The following ROBO2 variants were observed in gnomAD, a reference collection of about 807,000 sequenced individuals.
The protein encoded by ROBO2 is roundabout homolog 2.
Under a neutral mutation model 160.8 loss-of-function variants are expected in ROBO2, and 53 were observed. The ratio of observed to expected loss-of-function variants is 0.33; its 90% CI spans 0.26 to 0.41. The LOEUF is 0.41. Among genes scored for constraint, ROBO2 ranks in the 10% least tolerant of loss-of-function variants. The pLI, the probability that ROBO2 is intolerant of heterozygous loss-of-function variation, is 1.00. For synonymous variants in ROBO2, 664 were observed against 611.7 expected (o/e 1.09, Z -1.26); for missense variants, 1,577 against 1,722.4 (o/e 0.92, Z 1.49).
intron 2 of ROBO2, among the ~76,000 whole-genome samples, chr3:76,118,053 T>C (rs1276314891): frequency 6.6e-6 from 1 of 151,800 alleles, no homozygotes; most frequent in Non-Finnish European, 1.5e-5. Flanking sequence ...AAATGACGAG[T>C]TAATGGGTGC....
chr3:76,730,440 C>T (rs1332916032), intron 2 of ROBO2, among the ~76,000 whole-genome samples: 1 of 9,490 alleles, frequency 1.1e-4, no homozygotes, highest in African/African-American at 9.0e-4. Flanking sequence ...TCACCTCCTA[C>T]TCCCTACCCG....
chr3:76,560,212 C>T (rs2084079055), intron 2 of ROBO2, among the ~76,000 whole-genome samples: 1 of 152,070 alleles, frequency 6.6e-6, no homozygotes, highest in Non-Finnish European at 1.5e-5. Context: ...TGCTGCAATG[C>T]ATGATCTAAA....
intron 2 of ROBO2, among the ~76,000 whole-genome samples, chr3:76,873,127 T>G (rs929893116): frequency 6.6e-6 from 1 of 152,160 alleles, no homozygotes; most frequent in Admixed American, 6.5e-5. Flanking sequence ...AAACCAAGAT[T>G]ACTTTTAGTG....
intron 2 of ROBO2, among the ~76,000 whole-genome samples, chr3:76,558,512 A>C (rs2083953515): frequency 6.6e-6 from 1 of 152,120 alleles, no homozygotes; most frequent in Non-Finnish European, 1.5e-5. Flanking sequence ...CTTTTAAAAC[A>C]GTTTCTCACA....
intron 19 of ROBO2, among the ~76,000 whole-genome samples, chr3:77,600,961 T>C (rs1172346312): frequency 6.6e-6 from 1 of 152,142 alleles, no homozygotes; most frequent in Non-Finnish European, 1.5e-5. Context: ...GATATTTACT[T>C]CAATATCTTA....
intron 2 of ROBO2, among the ~76,000 whole-genome samples, chr3:77,105,069 C>T (rs1160563995): frequency 6.6e-6 from 1 of 152,160 alleles, no homozygotes; most frequent in Non-Finnish European, 1.5e-5. Flanking sequence ...ACAGTACTTT[C>T]TTCATTCTCG....
intron 2 of ROBO2, among the ~76,000 whole-genome samples, chr3:77,261,284 G>C (rs531097626): frequency 6.6e-6 from 1 of 152,204 alleles, no homozygotes; most frequent in South Asian, 2.1e-4. Flanking sequence ...CCCAGAAGCA[G>C]CCTTCCAGGT....
intron 2 of ROBO2, among the ~76,000 whole-genome samples, chr3:76,932,328 A>G (rs1336798911): frequency 1.3e-5 from 2 of 152,138 alleles, no homozygotes; most frequent in Non-Finnish European, 2.9e-5. Context: ...CATTTATTCC[A>G]TACCATGAGA....
intron 24 of ROBO2, among the ~76,000 whole-genome samples, chr3:77,642,413 A>G (rs1397753385): frequency 1.3e-5 from 2 of 152,242 alleles, no homozygotes; most frequent in East Asian, 3.9e-4. Context: ...TGATAGCCTC[A>G]ATATGTAACT....
At chr3:77,521,956 T>C (rs1272739876) in intron 5 of ROBO2, among the ~76,000 whole-genome samples, 1 of 151,182 alleles carries the variant, frequency 6.6e-6, no homozygotes, top group Admixed American at 6.6e-5. Context: ...TCAGAAACTA[T>C]TGCAAAATGT....
In ROBO2 at chr3:76,487,149, A is replaced by T. The variant is rs199553692; in HGVS notation, c.109+549547A>T. ...TATACCTGGCTAATTTTTTAATTTA[A>T]TTTTTTTTTTTTGTAGAGACAGTGT... On this transcript the variant is annotated intron_variant, in intron 2 of 26. Transcript: ENST00000487694. Among the ~76,000 whole-genome samples, 788 of 147,124 alleles carry T rather than the reference A, an allele frequency of 5.4e-3. 6 individuals carry two copies. Among genetic ancestry groups the T allele is most frequent in the African/African-American group, 0.015 (607 of 40,062 alleles).
At chr3:76,410,071 G>T (rs1050881372) in intron 2 of ROBO2, among the ~76,000 whole-genome samples, 2 of 152,068 alleles carry the variant, frequency 1.3e-5, no homozygotes, top group African/African-American at 4.8e-5. Context: ...TCATTGTTTA[G>T]ACAAAATCAT....
intron 2 of ROBO2, among the ~76,000 whole-genome samples, chr3:76,356,859 C>T (rs1006756855): frequency 2.6e-5 from 4 of 151,788 alleles, no homozygotes; most frequent in Non-Finnish European, 5.9e-5. Flanking sequence ...GATATTCCTA[C>T]TCATAAAATG....
intron 2 of ROBO2, among the ~76,000 whole-genome samples, chr3:76,891,982 CAGTGGTGA>C (rs2074379153): frequency 6.6e-6 from 1 of 152,076 alleles, no homozygotes; most frequent in South Asian, 2.1e-4. Context: ...AATGTGCCTA[CAGTGGTGA>C]AAGCCTCTGT....
intron 2 of ROBO2, among the ~76,000 whole-genome samples, chr3:76,469,947 A>T (rs903488972): frequency 6.6e-6 from 1 of 152,186 alleles, no homozygotes; most frequent in Non-Finnish European, 1.5e-5. Context: ...ATGAATAAAG[A>T]AAGAAAAAGG....
chr3:77,230,536 G>T (rs1181976202), intron 2 of ROBO2, among the ~76,000 whole-genome samples: 2 of 152,166 alleles, frequency 1.3e-5, no homozygotes, highest in Non-Finnish European at 2.9e-5. Flanking sequence ...ATTCCTTTTT[G>T]TTAGAATTGG....
At chr3:77,302,222 T>A (rs894396811) in intron 2 of ROBO2, among the ~76,000 whole-genome samples, 3 of 151,988 alleles carry the variant, frequency 2.0e-5, no homozygotes, top group Admixed American at 6.6e-5. Context: ...GATTACAGGT[T>A]TGAGCCACCA....
chr3:76,634,516 C>T (rs570675223), intron 2 of ROBO2, among the ~76,000 whole-genome samples: 1 of 151,368 alleles, frequency 6.6e-6, no homozygotes, highest in East Asian at 2.0e-4. Context: ...TGCAGTGAGC[C>T]GAGATCGCGC....
At chr3:77,171,299 T>C (rs1172788748) in intron 2 of ROBO2, among the ~76,000 whole-genome samples, 1 of 152,182 alleles carries the variant, frequency 6.6e-6, no homozygotes, top group Non-Finnish European at 1.5e-5. Flanking sequence ...ATCTGATGTC[T>C]GCATAACAGG....
Sources: gnomAD v4.1 joint callset for allele counts (sites outside exome capture counted in the v4.1 genomes callset) on GRCh38, gnomAD v4.1.1 for gene constraint, MANE v1.5 for transcripts, NCBI Gene and HGNC (gene_info 2026-07-23, HGNC 2026-07-21) for gene names.